INTS1: variants seen among roughly 807,000 people sequenced by gnomAD.
INTS1 encodes the protein integrator complex subunit 1.
INTS1 carries 137 observed loss-of-function variants against 241.6 expected under a neutral mutation model. The ratio of observed to expected loss-of-function variants is 0.57; its 90% CI spans 0.49 to 0.65. INTS1 has a LOEUF of 0.65. INTS1 is among the 30% of genes least tolerant of loss of function. The pLI, the probability that INTS1 is intolerant of heterozygous loss-of-function variation, is 0.00. For missense variants in INTS1, 3,073 were observed against 3,032.2 expected (o/e 1.01, Z -0.32); for synonymous variants, 1,692 against 1,337.8 (o/e 1.26, Z -5.78).
At position 1,497,245 on chromosome 7, in the gene INTS1, G is replaced by A. The variant is rs1782908052; in HGVS notation, c.1495C>T (p.Leu499=). ...DDYLRASRAL[L]REIIKQTKHE... Reference sequence around the variant, plus strand: ...TTGGTCTGCTTGATGATCTCCCGCAGCAGGGCCCGCGAGGCCCGCAGGTAG... The same window carrying A: ...TTGGTCTGCTTGATGATCTCCCGCAACAGGGCCCGCGAGGCCCGCAGGTAG... The change falls in exon 11 of 48, where the codon CTG becomes TTG. Residue 499 remains leucine, a synonymous_variant. Transcript: ENST00000404767. The surrounding 1 kb of genome is among the most constrained non-coding windows in gnomAD (Gnocchi z 5.3). 1 of 1,613,432 alleles carries A rather than the reference G, an allele frequency of 6.2e-7. No individual in the cohort carries two copies. Among genetic ancestry groups the A allele is most frequent in the African/African-American group, 1.3e-5 (1 of 74,968 alleles).
chr7:1,475,751 G>A (rs1781684615), intron 39 of INTS1, among the ~76,000 whole-genome samples, 197 bp downstream of exon 39: 1 of 152,262 alleles, frequency 6.6e-6, no homozygotes, highest in Non-Finnish European at 1.5e-5. Context: ...TCCAGACTGT[G>A]CGAGCAGAGC....
chr7:1,492,503 A>C (rs1782606107), intron 16 of INTS1, among the ~76,000 whole-genome samples: 1 of 152,230 alleles, frequency 6.6e-6, no homozygotes, highest in Non-Finnish European at 1.5e-5. Context: ...AGGTTCTACA[A>C]TTAAATTATA....
chr7:1,474,191 G>A lies in INTS1; in HGVS notation c.5806C>T (p.Leu1936=), dbSNP rs1584257518. The A allele has an allele frequency of 1.3e-6, 2 of 1,584,146 alleles. No homozygotes were observed. The highest frequency in any genetic ancestry group is 1.3e-5 in the African/African-American group (1 of 74,438). Residue 1936 remains leucine, a synonymous_variant, in exon 41 of 48, where the codon CTG becomes TTG. Coordinates refer to ENST00000404767, the MANE Select transcript of INTS1 (RefSeq NM_001080453.3). ...ACCAGCAGCAGGCGGATGAAGGACA[G>A]AAGGCAGTCCCACAGCGCCCCCTGG... is the stretch of plus-strand genomic sequence containing the variant. ...EHQGALWDCL[L]SFIRLLLNYR... is the part of the protein sequence containing the mutation.
At position 1,476,444 on chromosome 7, in the gene INTS1, C is replaced by T. The variant is rs1296875020; in HGVS notation, c.5163G>A (p.Glu1721=). 3.2e-6 allele frequency: 5 copies of T among 1,564,326 alleles called. No individual in the cohort carries two copies. In the South Asian group the frequency reaches 5.7e-5, roughly 18 times the overall value. ...RDQRTPQKRR[E]ELVLRVQGPE... is the part of the protein sequence containing the mutation. ...GGCCCTGGACCCGCAGCACCAGCTC[C>T]TCCCGCCGCTTCTGTAACGGGTGCC... is the stretch of plus-strand genomic sequence containing the variant. Residue 1721 remains glutamate, a synonymous_variant, in exon 38 of 48, where the codon GAG becomes GAA. Transcript: ENST00000404767.
In INTS1 at chr7:1,497,437, G is replaced by A. The variant is rs1053252295; in HGVS notation, c.1426-123C>T. 4 of 1,025,240 alleles carry A rather than the reference G, an allele frequency of 3.9e-6. No homozygotes were observed. The East Asian group carries it at 1.1e-4, about 27-fold the overall frequency. 63.5% of individuals were successfully genotyped at this position (1,025,240 alleles called of 1,614,324 possible). ...CTGCAGTGGGTCTCAGACAGTGTGG[G>A]GTGCGGGGTGGCGGGCTCCTTGCTC... On this transcript the variant is annotated intron_variant, in intron 10 of 47. Transcript: ENST00000404767. The surrounding 1 kb of genome is among the most constrained non-coding windows in gnomAD (Gnocchi z 5.3).
chr7:1,486,767 T>G lies in INTS1; in HGVS notation c.2834A>C (p.Gln945Pro). The G allele has an allele frequency of 6.2e-7, 1 of 1,612,348 alleles. No individual in the cohort carries two copies. The highest frequency in any genetic ancestry group is 2.2e-5 in the East Asian group (1 of 44,864). Residue 945 changes from glutamine to proline, a missense_variant, in exon 22 of 48, where the codon CAG becomes CCG. Transcript: ENST00000404767. ...GCGGCCCAGCAGCTGCCGCTGCTTC[T>G]GTTGCCTCTGCAGGGAGGAAGGGGC... is the stretch of plus-strand genomic sequence containing the variant. ...EQKAKKRQRQ[Q>P]KQRQLLGRLQ... is the part of the protein sequence containing the mutation.
chr7:1,482,479 A>G (rs1782042301), intron 27 of INTS1, 67 bp downstream of exon 27: 3 of 1,477,438 alleles, frequency 2.0e-6, no homozygotes, highest in African/African-American at 1.4e-5. Flanking sequence ...CAGGCCCACA[A>G]GGAGCAGGCA....
chr7:1,496,827 C>T (rs917728124), intron 11 of INTS1, among the ~76,000 whole-genome samples: 1 of 152,314 alleles, frequency 6.6e-6, no homozygotes, highest in Non-Finnish European at 1.5e-5. Flanking sequence ...TCCAACCCAG[C>T]CAGGCAGCCC....
rs955202443 is a variant in INTS1, at chr7:1,479,633, C to T, written c.4126G>A (p.Val1376Met). The stretch of plus-strand genomic sequence containing the variant: ...AGGGCCTGCTGCAGGGCGAGGGCCA[C>T]GGGGCGGGGACTGGAGCTCTGCCAC... ...PRWQSSSPRP[V>M]ALALQQALGQ... The change falls in exon 31 of 48, where the codon GTG becomes ATG. Residue 1376 changes from valine (V) to methionine (M), a missense_variant. Physicochemically the swap from Val to Met is conservative, Grantham distance 21. Transcript: ENST00000404767. The T allele has an allele frequency of 1.3e-5, 19 of 1,516,386 alleles. No homozygotes were observed. The African/African-American group carries it at 1.4e-4, about 11-fold the overall frequency. 93.9% of individuals were successfully genotyped at this position (1,516,386 alleles called of 1,614,324 possible).
At chr7:1,504,284 C>T (rs1411620369) in intron 1 of INTS1, 39 bp downstream of exon 1, 1 of 564,172 alleles carries the variant, frequency 1.8e-6, no homozygotes, top group Non-Finnish European at 3.3e-6. Context: ...CAGGCGCTCG[C>T]CCGGCAATGA....
Position 1,484,072 on chromosome 7 carries a change from C to G in INTS1, c.3360G>C (p.Leu1120=), listed in dbSNP as rs759582486. 2 of 1,612,470 alleles carry G rather than the reference C, an allele frequency of 1.2e-6. No individual in the cohort carries two copies. The highest frequency in any genetic ancestry group is 1.7e-6 in the Non-Finnish European group (2 of 1,179,774). The change falls in exon 25 of 48, where the codon CTG becomes CTC. Residue 1120 remains leucine, a synonymous_variant. Coordinates refer to ENST00000404767, the MANE Select transcript of INTS1 (RefSeq NM_001080453.3). ...SAASDAVLSA[L]LSIFSRYVRR... ...TCACGTAGCGTGAGAAGATGGACAA[C>G]AGAGCGCTCAGCACGGCGTCCGACG...
rs766544458 is a variant in INTS1 at position 1,470,703 on chromosome 7, A to G, written c.6458-11T>C. ...GCACAGCCGCGTGCTCTGTGGGGGA[A>G]ACGGGGCCCTGCACGTCACGCTGGC... On this transcript the variant is annotated splice_polypyrimidine_tract_variant and intron_variant, in intron 47 of 47. Transcript: ENST00000404767. The G allele has an allele frequency of 6.5e-7, 1 of 1,530,260 alleles. No homozygotes were observed. The highest frequency in any genetic ancestry group is 8.8e-7 in the Non-Finnish European group (1 of 1,135,374). The allele number at this position is 1,530,260 out of a possible 1,614,324, so 94.8% of individuals were successfully genotyped here.
rs1220393692 is a variant in INTS1, at chr7:1,487,329, G to C, written c.2637C>G (p.Ile879Met). 3 of 1,599,584 alleles carry C rather than the reference G, an allele frequency of 1.9e-6. No homozygotes were observed. ...SRNPDFLLHI[I>M]QRQASSQSMP... is the part of the protein sequence containing the mutation. ...GAGCCTCGGCACTCACCTGCCGCTG[G>C]ATGATGTGGAGGAGAAAGTCAGGGT... The change falls in exon 20 of 48, where the codon ATC becomes ATG. Residue 879 changes from isoleucine to methionine, a missense_variant. Transcript: ENST00000404767.
chr7:1,493,670 C>T lies in INTS1; in HGVS notation c.2068+84G>A, dbSNP rs1392334921. The T allele has an allele frequency of 2.7e-6, 4 of 1,476,916 alleles. No individual in the cohort carries two copies. The South Asian group carries it at 4.1e-5, about 15-fold the overall frequency. The allele number at this position is 1,476,916 out of a possible 1,614,324, so 91.5% of individuals were successfully genotyped here. A position where few individuals can be genotyped will look rare whatever the true frequency, so the allele number is the denominator to read the frequency against. ...TGAAGCGCAGCTTTGTGGAGCGCCC[C>T]AGAGGTGCGTGCCAGAGCCGGGGTT... is the stretch of plus-strand genomic sequence containing the variant. On this transcript the variant is annotated intron_variant, in intron 15 of 47. Transcript: ENST00000404767. This position sits in a 1 kb window ranked among gnomAD's most constrained non-coding sequence, Gnocchi z 5.3.
chr7:1,474,335 G>T lies in INTS1; in HGVS notation c.5662C>A (p.Leu1888Met). The change falls in exon 41 of 48, where the codon CTG (leucine) becomes ATG (methionine). Residue 1888 changes from leucine (L) to methionine (M), a missense_variant. Coordinates refer to ENST00000404767, the MANE Select transcript of INTS1 (RefSeq NM_001080453.3). ...LRHLPMIAAL[L>M]HGRTHLNFQE... is the part of the protein sequence containing the mutation. ...AAGTTGAGGTGGGTGCGGCCGTGCA[G>T]GAGCGCCGCGATCATGGGCAGGTGC... 6.2e-7 allele frequency: 1 copy of T among 1,603,126 alleles called. No individual in the cohort carries two copies. Among genetic ancestry groups the T allele is most frequent in the Non-Finnish European group, 8.5e-7 (1 of 1,176,426 alleles).
In INTS1 at chr7:1,498,570, TACAG is replaced by T. The variant is rs753679838; in HGVS notation, c.1284-21_1284-18del. On this transcript the variant is annotated intron_variant, in intron 9 of 47. Transcript: ENST00000404767. ...AGCAGCTCCCTGGGTGAGGTGAGGGTACAGACCCTGTCCCCGCTACGCCTGTGCC... is the reference window on the plus strand; with the variant it reads ...AGCAGCTCCCTGGGTGAGGTGAGGGTACCCTGTCCCCGCTACGCCTGTGCC... The T allele has an allele frequency of 6.2e-7, 1 of 1,612,878 alleles. No individual in the cohort carries two copies. The highest frequency in any genetic ancestry group is 8.5e-7 in the Non-Finnish European group (1 of 1,179,760).
intron 35 of INTS1, among the ~76,000 whole-genome samples, 169 bp from the exon 36 acceptor site, chr7:1,477,087 T>A (rs1456300021): frequency 6.6e-6 from 1 of 152,112 alleles, no homozygotes; most frequent in Admixed American, 6.5e-5. Flanking sequence ...GTGGCTGCGC[T>A]GCATCTCCCC....
At position 1,500,355 on chromosome 7, in the gene INTS1, C is replaced by T. The variant is rs1164848612; in HGVS notation, c.361G>A (p.Val121Met). The T allele has an allele frequency of 1.9e-6, 3 of 1,575,508 alleles. No individual in the cohort carries two copies. Among genetic ancestry groups the T allele is most frequent in the Non-Finnish European group, 2.6e-6 (3 of 1,158,826 alleles). The change falls in exon 4 of 48, where the codon GTG becomes ATG. Residue 121 changes from valine (V) to methionine (M), a missense_variant. By Grantham distance (21) the Val-to-Met change is conservative. Coordinates refer to ENST00000404767, the MANE Select transcript of INTS1 (RefSeq NM_001080453.3). ...SVVPIEVLPT[V>M]LLDEIEAAEL... is the part of the protein sequence containing the mutation. ...GCCGCCTCGATCTCATCCAGCAGCA[C>T]CGTGGGCAGCACTGGCCGGGGCAGG...
intron 19 of INTS1, 50 bp downstream of exon 19, chr7:1,487,710 C>T (rs1251171157): frequency 1.9e-6 from 3 of 1,592,226 alleles, no homozygotes; most frequent in African/African-American, 2.7e-5. Context: ...ACACCAACCA[C>T]CCACAGGTCC....
Sources: gnomAD v4.1 joint callset for allele counts (sites outside exome capture counted in the v4.1 genomes callset) on GRCh38, gnomAD v4.1.1 for gene constraint, Gnocchi (gnomAD v3.1) non-coding constraint, MANE v1.5 for transcripts, NCBI Gene and HGNC (gene_info 2026-07-23, HGNC 2026-07-21) for gene names.